EPSTI1: variants seen among roughly 807,000 people sequenced by gnomAD.
EPSTI1 encodes epithelial-stromal interaction protein 1.
EPSTI1 carries 66 observed loss-of-function variants against 49.9 expected under a neutral mutation model. That is an observed-to-expected ratio of 1.32 (90% CI 1.08 to 1.62). The LOEUF is 1.62. Among genes scored for constraint, EPSTI1 ranks in the 40% most tolerant of loss-of-function variants. The probability of loss-of-function intolerance (pLI) is 0.00; values close to 1 mark genes in which losing one functional copy is unlikely to be tolerated. For synonymous variants in EPSTI1, 137 were observed against 130.7 expected (o/e 1.05, Z -0.33); for missense variants, 394 against 365.5 (o/e 1.08, Z -0.64).
intron 6 of EPSTI1, among the ~76,000 whole-genome samples, chr13:42,951,500 A>G (rs537011092): frequency 7.2e-4 from 110 of 152,376 alleles, no homozygotes; most frequent in African/African-American, 2.5e-3. Context: ...AAGAAAGAGC[A>G]AGAGTGAAAT....
intron 1 of EPSTI1, among the ~76,000 whole-genome samples, chr13:42,980,690 T>C (rs761789142): frequency 3.3e-5 from 5 of 152,160 alleles, no homozygotes; most frequent in South Asian, 2.1e-4. Context: ...CAAACCATAT[T>C]AGGCATCATG....
At chr13:42,983,389 C>G (rs1020182780) in intron 1 of EPSTI1, among the ~76,000 whole-genome samples, 1 of 152,078 alleles carries the variant, frequency 6.6e-6, no homozygotes, top group South Asian at 2.1e-4. Context: ...CATGGTGAAA[C>G]CACGTCTCTA....
At chr13:42,940,877 A>G (rs1040582468) in intron 6 of EPSTI1, among the ~76,000 whole-genome samples, 13 of 152,098 alleles carry the variant, frequency 8.5e-5, no homozygotes, top group Non-Finnish European at 1.6e-4. Flanking sequence ...TTTGATTCCT[A>G]TTTCCTCTTT....
At position 42,922,327 on chromosome 13, in the gene EPSTI1, G is replaced by A. The variant is rs115233312; in HGVS notation, c.657+4009C>T. On this transcript the variant is annotated intron_variant, in intron 7 of 10. Coordinates refer to ENST00000313624, the MANE Select transcript of EPSTI1 (RefSeq NM_033255.5). This position sits in a 1 kb window ranked among gnomAD's most constrained non-coding sequence, Gnocchi z 4.8. ...GGGACTTTGCAGAAATTAAGGATCT[G>A]GAAGTGGAGAGATTAGCCTGGATAG... 6.6e-6 allele frequency among the ~76,000 whole-genome samples: 1 copy of A among 152,184 alleles called. No homozygotes were observed. Among genetic ancestry groups the A allele is most frequent in the Non-Finnish European group, 1.5e-5 (1 of 68,046 alleles).
intron 6 of EPSTI1, among the ~76,000 whole-genome samples, chr13:42,952,428 C>A (rs1458416251): frequency 5.9e-5 from 9 of 152,220 alleles, no homozygotes; most frequent in African/African-American, 2.2e-4. Context: ...AGCCCCTAAT[C>A]TCTCTCAACT....
intron 1 of EPSTI1, among the ~76,000 whole-genome samples, chr13:42,977,616 G>A (rs1321476671): frequency 6.6e-6 from 1 of 152,212 alleles, no homozygotes; most frequent in African/African-American, 2.4e-5. Flanking sequence ...GATCAGGAAT[G>A]GCAGAGCAGA....
chr13:42,922,797 A>T lies in EPSTI1; in HGVS notation c.657+3539T>A, dbSNP rs1404701100. On this transcript the variant is annotated intron_variant, in intron 7 of 10. Transcript: ENST00000313624. This position sits in a 1 kb window ranked among gnomAD's most constrained non-coding sequence, Gnocchi z 4.8. ...TCAACCTGCACTGAGTGCTCACAGT[A>T]GTGTGAGAGAGGAGAGCTGGAGAGG... Among the ~76,000 whole-genome samples the T allele has an allele frequency of 6.6e-6, 1 of 152,232 alleles. No homozygotes were observed. Among genetic ancestry groups the T allele is most frequent in the African/African-American group, 2.4e-5 (1 of 41,472 alleles).
Position 42,931,178 on chromosome 13 carries a change from C to CT in EPSTI1, c.564-4750dup, listed in dbSNP as rs1225004999. On this transcript the variant is annotated intron_variant, in intron 6 of 10. Transcript: ENST00000313624. ...CATTTGCAAAGGAGAGTAGAGCTAC[C>CT]TTTTGCCTACAGCTTTTTTTTTTTT... 2.0e-5 allele frequency among the ~76,000 whole-genome samples: 3 copies of CT among 149,568 alleles called. No individual in the cohort carries two copies. In the East Asian group the frequency reaches 6.0e-4, roughly 30 times the overall value.
At chr13:42,966,722 C>T (rs1261067003) in intron 3 of EPSTI1, among the ~76,000 whole-genome samples, 1 of 89,626 alleles carries the variant, frequency 1.1e-5, no homozygotes, top group African/African-American at 3.4e-5. Flanking sequence ...CGGCCAGCCG[C>T]CCCGTCCGGG....
chr13:42,970,772 T>C (rs1308180222), intron 1 of EPSTI1, 102 bp from the exon 2 acceptor site: 1 of 772,880 alleles, frequency 1.3e-6, no homozygotes, highest in East Asian at 2.7e-5. Context: ...TTATGATCAT[T>C]ACCATCAAAT....
chr13:42,919,223 T>A, intron 7 of EPSTI1: 1 of 1,384,452 alleles, frequency 7.2e-7, no homozygotes, highest in Non-Finnish European at 1.0e-6. Context: ...CTTATAAAGG[T>A]CCACAGAAAC....
intron 1 of EPSTI1, among the ~76,000 whole-genome samples, chr13:42,972,090 T>C (rs1229919086): frequency 1.3e-5 from 2 of 152,180 alleles, no homozygotes; most frequent in African/African-American, 2.4e-5. Context: ...TATGATGCAA[T>C]GGTGAGCCAT....
At chr13:42,953,499 T>C (rs368334522) in intron 6 of EPSTI1, among the ~76,000 whole-genome samples, 65 of 152,352 alleles carry the variant, frequency 4.3e-4, no homozygotes, top group African/African-American at 1.5e-3. Flanking sequence ...TGACCACCAG[T>C]TGAGACTTTT....
At chr13:42,893,813 A>G (rs191861801) in intron 10 of EPSTI1, among the ~76,000 whole-genome samples, 46 of 152,334 alleles carry the variant, frequency 3.0e-4, no homozygotes, top group African/African-American at 1.1e-3. Flanking sequence ...TGTGTTTCAC[A>G]ACTAAGTTAT....
At chr13:42,981,262 T>C (rs2039982077) in intron 1 of EPSTI1, among the ~76,000 whole-genome samples, 1 of 152,348 alleles carries the variant, frequency 6.6e-6, no homozygotes, top group Admixed American at 6.5e-5. Flanking sequence ...CAGATTCAAA[T>C]ACATTCTGAA....
At chr13:42,902,145 T>A (rs576010707) in intron 8 of EPSTI1, among the ~76,000 whole-genome samples, 1 of 152,262 alleles carries the variant, frequency 6.6e-6, no homozygotes, top group African/African-American at 2.4e-5. Flanking sequence ...CTACCTACAA[T>A]GGAAAAAAGA....
At chr13:42,975,891 A>G (rs1021949869) in intron 1 of EPSTI1, among the ~76,000 whole-genome samples, 2 of 152,234 alleles carry the variant, frequency 1.3e-5, no homozygotes, top group Admixed American at 6.5e-5. Context: ...GTAGAGACTC[A>G]CCATCTTTAA....
rs572789288 is a variant in EPSTI1, at chr13:42,945,025, A to T, written c.563+8923T>A. On this transcript the variant is annotated intron_variant, in intron 6 of 10. Coordinates refer to ENST00000313624, the MANE Select transcript of EPSTI1 (RefSeq NM_033255.5). ...TCCTGATAAGATCCAATTCAGAGCA[A>T]AGCTCTGCTTCCTTAAATCTTCCCC... is the stretch of plus-strand genomic sequence containing the variant. 3.9e-5 allele frequency among the ~76,000 whole-genome samples: 6 copies of T among 152,326 alleles called. No homozygotes were observed. The South Asian group carries it at 1.2e-3, about 32-fold the overall frequency.
In EPSTI1 at chr13:42,892,985, C is replaced by A. The variant is rs191821249; in HGVS notation, c.915+2024G>T. Among the ~76,000 whole-genome samples, 64 of 152,100 alleles carry A rather than the reference C, an allele frequency of 4.2e-4. No homozygotes were observed. In the East Asian group the frequency reaches 5.6e-3, roughly 13 times the overall value. On this transcript the variant is annotated intron_variant, in intron 10 of 10. Coordinates refer to ENST00000313624, the MANE Select transcript of EPSTI1 (RefSeq NM_033255.5). ...AGTGATTCACCATGACAAAGAATGG[C>A]GATCAGTCAAAAGAGGAAGATTGAG...
Sources: allele counts gnomAD v4.1 joint callset (sites outside exome capture counted in the v4.1 genomes callset), GRCh38; gene constraint gnomAD v4.1.1; non-coding constraint Gnocchi (gnomAD v3.1); transcripts MANE v1.5; gene names NCBI Gene and HGNC (gene_info 2026-07-23, HGNC 2026-07-21).